Variants in EVC2 observed in about 807,000 individuals in gnomAD.
EVC2 encodes the protein limbin.
In EVC2, 148 loss-of-function variants were observed where a neutral mutation model predicts 149.3. That is an observed-to-expected ratio of 0.99 (90% CI 0.87 to 1.14). The LOEUF (loss-of-function observed/expected upper bound fraction) is 1.14. Among genes scored for constraint, EVC2 ranks in the 50% most tolerant of loss-of-function variants. The pLI, the probability that EVC2 is intolerant of heterozygous loss-of-function variation, is 0.00. For synonymous variants in EVC2, 776 were observed against 649.9 expected, an observed-to-expected ratio of 1.19 and a Z score of -2.95; for missense variants, 1,854 against 1,627.3, an observed-to-expected ratio of 1.14 and a Z score of -2.40.
chr4:5,539,322 T>C (rs543447391), downstream of EVC2, among the ~76,000 whole-genome samples: 10 of 152,084 alleles, frequency 6.6e-5, no homozygotes, highest in South Asian at 1.5e-3. Flanking sequence ...TATTTGTGGA[T>C]TGGAAGACAC....
rs7674131 is a variant in EVC2 at position 5,632,268 on chromosome 4, C to T, written c.1471-236G>A. ...AATGTACACACATGCAATATGTACA[C>T]GCACACATGGGCACACACAGAACTT... On this transcript the variant is annotated intron_variant, in intron 10 of 21. Transcript: ENST00000344408. 0.45 allele frequency among the ~76,000 whole-genome samples: 68,966 copies of T among 152,152 alleles called. 19,160 individuals carry two copies. The highest frequency in any genetic ancestry group is 0.78 in the African/African-American group (32,344 of 41,542).
intron 9 of EVC2, among the ~76,000 whole-genome samples, chr4:5,644,893 G>T (rs1442637629): frequency 6.6e-6 from 1 of 152,122 alleles, no homozygotes; most frequent in Non-Finnish European, 1.5e-5. Context: ...ACATTCCATT[G>T]TGTATTTATA....
intron 16 of EVC2, among the ~76,000 whole-genome samples, chr4:5,591,057 T>C (rs886498069): frequency 3.9e-5 from 6 of 152,114 alleles, no homozygotes; most frequent in African/African-American, 1.4e-4. Context: ...ATGACACACA[T>C]GGGGATTATG....
At chr4:5,611,469 C>T (rs543692004) in intron 16 of EVC2, among the ~76,000 whole-genome samples, 2 of 152,112 alleles carry the variant, frequency 1.3e-5, no homozygotes, top group East Asian at 1.9e-4. Flanking sequence ...CTTTTATACA[C>T]TATGATGAAA....
chr4:5,625,016 A>G lies in EVC2; in HGVS notation c.2046+733T>C, dbSNP rs765944120. 4.6e-5 allele frequency among the ~76,000 whole-genome samples: 7 copies of G among 152,004 alleles called. No homozygotes were observed. The highest frequency in any genetic ancestry group is 1.3e-4 in the Admixed American group (2 of 15,262). On this transcript the variant is annotated intron_variant, in intron 13 of 21. Coordinates refer to ENST00000344408, the MANE Select transcript of EVC2 (RefSeq NM_147127.5). This position sits in a 1 kb window ranked among gnomAD's most constrained non-coding sequence, Gnocchi z 4.0. ...ACCCGGCCAAGTACCAGAGCCTCCC[A>G]TGGGGTTTGTATTCCCAGGTTCCTC... is the stretch of plus-strand genomic sequence containing the variant.
chr4:5,572,265 T>C (rs1306493704), intron 19 of EVC2, among the ~76,000 whole-genome samples: 2 of 152,220 alleles, frequency 1.3e-5, no homozygotes, highest in Non-Finnish European at 2.9e-5. Flanking sequence ...TTATTCTGCA[T>C]AGAGCCAATT....
intron 16 of EVC2, among the ~76,000 whole-genome samples, chr4:5,597,063 G>A (rs576987074): frequency 1.3e-5 from 2 of 152,256 alleles, no homozygotes; most frequent in Admixed American, 1.3e-4. Flanking sequence ...CTGAAACTGT[G>A]GCAATAATCA....
chr4:5,574,159 G>A (rs747828059), intron 19 of EVC2, among the ~76,000 whole-genome samples: 7 of 152,220 alleles, frequency 4.6e-5, no homozygotes, highest in Non-Finnish European at 8.8e-5. Flanking sequence ...CGCAGGATGC[G>A]TATAAAACCC....
chr4:5,555,417 T>A (rs563824123), intron 21 of EVC2, among the ~76,000 whole-genome samples: 11 of 152,224 alleles, frequency 7.2e-5, no homozygotes, highest in African/African-American at 2.6e-4. Context: ...CCCACTCTAA[T>A]TATAAAAACA....
intron 9 of EVC2, 77 bp downstream of exon 9, chr4:5,663,030 C>A (rs968820059): frequency 1.3e-6 from 2 of 1,565,242 alleles, no homozygotes; most frequent in Non-Finnish European, 1.8e-6. Flanking sequence ...GAAATATACT[C>A]AGCATTTGGC....
In EVC2 at chr4:5,615,386, CAGAG is replaced by C. The variant is rs1715167492; in HGVS notation, c.2829+32_2829+35del. The C allele has an allele frequency of 1.9e-6, 3 of 1,613,812 alleles. No individual in the cohort carries two copies. In the African/African-American group the frequency reaches 4.0e-5, roughly 22 times the overall value. ...GCTATCAGAGCAGCCCCGCCATGTG[CAGAG>C]AGAAACAGCTGGGTGAAGCAGATGT... is the stretch of plus-strand genomic sequence containing the variant. On this transcript the variant is annotated intron_variant, in intron 16 of 21. Transcript: ENST00000344408.
At position 5,687,366 on chromosome 4, in the gene EVC2, C is replaced by A. The variant is rs188498119; in HGVS notation, c.706+1791G>T. On this transcript the variant is annotated intron_variant, in intron 5 of 21. Coordinates refer to ENST00000344408, the MANE Select transcript of EVC2 (RefSeq NM_147127.5). ...CGGGCTGCGTCATACTGCTTTAACTCCCTTACCCTCACAGCGCCTTCCTAG... is the reference window on the plus strand; with the variant it reads ...CGGGCTGCGTCATACTGCTTTAACTACCTTACCCTCACAGCGCCTTCCTAG... Among the ~76,000 whole-genome samples the A allele has an allele frequency of 5.9e-5, 9 of 152,344 alleles. No homozygotes were observed. The East Asian group carries it at 1.7e-3, about 29-fold the overall frequency.
chr4:5,584,260 G>A (rs1256338172), intron 17 of EVC2, among the ~76,000 whole-genome samples: 4 of 152,244 alleles, frequency 2.6e-5, no homozygotes, highest in Non-Finnish European at 5.9e-5. Flanking sequence ...CTAATAATTA[G>A]AATTTTTTAA....
chr4:5,608,208 T>A (rs1285837971), intron 16 of EVC2, among the ~76,000 whole-genome samples: 1 of 152,196 alleles, frequency 6.6e-6, no homozygotes, highest in African/African-American at 2.4e-5. Context: ...GCAGAAGATT[T>A]CAGTAAAGGA....
downstream of EVC2, among the ~76,000 whole-genome samples, chr4:5,558,956 A>C (rs4557210): frequency 2.6e-5 from 4 of 151,380 alleles, no homozygotes; most frequent in South Asian, 8.3e-4. Flanking sequence ...ACTTTGCAAG[A>C]CCAAGGCGGG....
downstream of EVC2, among the ~76,000 whole-genome samples, chr4:5,558,786 C>A (rs11721882): frequency 3.9e-5 from 6 of 151,984 alleles, no homozygotes; most frequent in South Asian, 1.0e-3. Context: ...AAGTTGTTTC[C>A]CACATGGGTC....
rs370257934 is a variant in EVC2, at chr4:5,634,730, T to C, written c.1471-2698A>G. Among the ~76,000 whole-genome samples the C allele has an allele frequency of 2.2e-4, 33 of 152,230 alleles. No individual in the cohort carries two copies. In the East Asian group the frequency reaches 4.1e-3, roughly 19 times the overall value. On this transcript the variant is annotated intron_variant, in intron 10 of 21. Coordinates refer to ENST00000344408, the MANE Select transcript of EVC2 (RefSeq NM_147127.5). The stretch of plus-strand genomic sequence containing the variant: ...ACCCCTGACCTAGTTCAACCTCCTA[T>C]GGCAGAGATGAGAAAACTAAGCCCT...
In EVC2 at chr4:5,685,424, C is replaced by T. The variant is rs747298764; in HGVS notation, c.762G>A (p.Gly254=). 2 of 1,614,196 alleles carry T rather than the reference C, an allele frequency of 1.2e-6. No homozygotes were observed. The highest frequency in any genetic ancestry group is 1.7e-6 in the Non-Finnish European group (2 of 1,180,032). ...CAGGAAGCTTGAGGCTCTCCCCGTT[C>T]CCGAGGTCTCCAGCCTGGAGCGTGG... The part of the protein sequence containing the change: ...YAATLQAGDL[G]NGESLKLPAQ... Residue 254 remains glycine, a synonymous_variant, in exon 6 of 22, where the codon GGG becomes GGA. Transcript: ENST00000344408.
At chr4:5,620,054 T>TGAGACCTTCA (rs1715571236) in intron 14 of EVC2, among the ~76,000 whole-genome samples, 2 of 152,186 alleles carry the variant, frequency 1.3e-5, no homozygotes, top group Admixed American at 1.3e-4. Context: ...GGAAAGAGAA[T>TGAGACCTTCA]GAGACCTTCA....
Sources: gnomAD v4.1 joint callset for allele counts (sites outside exome capture counted in the v4.1 genomes callset) on GRCh38, gnomAD v4.1.1 for gene constraint, Gnocchi (gnomAD v3.1) non-coding constraint, MANE v1.5 for transcripts, NCBI Gene and HGNC (gene_info 2026-07-23, HGNC 2026-07-21) for gene names.